Variants in ZNF385D observed in about 807,000 individuals in gnomAD.
ZNF385D encodes the protein zinc finger protein 659.
A neutral mutation model predicts 35.8 loss-of-function variants in ZNF385D; 15 were observed. That is an observed-to-expected ratio of 0.42 (90% confidence interval 0.28 to 0.64). ZNF385D has a LOEUF of 0.64. Ranked by LOEUF, ZNF385D falls within the 30% of genes least tolerant of loss-of-function variation. The pLI, the probability that ZNF385D is intolerant of heterozygous loss-of-function variation, is 0.23. For missense variants in ZNF385D, 474 were observed against 494.6 expected (o/e 0.96, Z 0.39); for synonymous variants, 212 against 186.8 (o/e 1.13, Z -1.10).
chr3:22,119,549 C>T (rs1702978765), intron 3 of ZNF385D, among the ~76,000 whole-genome samples: 1 of 152,096 alleles, frequency 6.6e-6, no homozygotes, highest in Non-Finnish European at 1.5e-5. Flanking sequence ...ATGGCCTTCT[C>T]CTCTAGCTTC....
chr3:22,157,730 C>T (rs966029765), intron 3 of ZNF385D, among the ~76,000 whole-genome samples: 1 of 152,064 alleles, frequency 6.6e-6, no homozygotes, highest in Admixed American at 6.6e-5. Flanking sequence ...CTCAAGTAAA[C>T]TATTGAATTG....
chr3:21,426,006 C>T (rs185966578), intron 5 of ZNF385D, among the ~76,000 whole-genome samples: 19 of 152,190 alleles, frequency 1.2e-4, no homozygotes, highest in Non-Finnish European at 1.0e-4. Context: ...GGTGTGACTT[C>T]ATTTCATTTC....
intron 2 of ZNF385D, among the ~76,000 whole-genome samples, chr3:22,279,017 G>A (rs987676117): frequency 6.6e-6 from 1 of 152,012 alleles, no homozygotes; most frequent in East Asian, 1.9e-4. Context: ...ACATTCTATG[G>A]CGTCCACTTC....
chr3:21,908,786 T>C (rs1478102238), intron 3 of ZNF385D, among the ~76,000 whole-genome samples: 2 of 152,034 alleles, frequency 1.3e-5, no homozygotes, highest in Non-Finnish European at 2.9e-5. Context: ...TAACTAGTTC[T>C]TTAAAAAAAA....
intron 2 of ZNF385D, among the ~76,000 whole-genome samples, chr3:22,217,701 A>G (rs1697978125): frequency 1.3e-5 from 2 of 152,210 alleles, no homozygotes; most frequent in African/African-American, 4.8e-5. Flanking sequence ...TATAGAGAGC[A>G]TATTTTGGGG....
At chr3:22,136,718 A>G (rs575038739) in intron 3 of ZNF385D, among the ~76,000 whole-genome samples, 26 of 152,304 alleles carry the variant, frequency 1.7e-4, no homozygotes, top group African/African-American at 6.3e-4. Flanking sequence ...GGATAAGCAA[A>G]TTGTGGTACA....
intron 1 of ZNF385D, among the ~76,000 whole-genome samples, chr3:21,741,031 G>A (rs2069488288): frequency 6.6e-6 from 1 of 151,562 alleles, no homozygotes; most frequent in Non-Finnish European, 1.5e-5. Context: ...GGTGCCAATG[G>A]AATAACTCAT....
intron 4 of ZNF385D, among the ~76,000 whole-genome samples, chr3:21,442,338 C>G (rs1352799138): frequency 6.6e-6 from 1 of 152,114 alleles, no homozygotes. Flanking sequence ...TCATGTTTTC[C>G]TGTAGATTGA....
intron 1 of ZNF385D, among the ~76,000 whole-genome samples, chr3:21,739,161 GA>G (rs2069386728): frequency 6.6e-6 from 1 of 152,204 alleles, no homozygotes. Context: ...TGAGCAAGGG[GA>G]AGTAGAGGTC....
intron 2 of ZNF385D, among the ~76,000 whole-genome samples, chr3:21,655,172 T>C (rs561870740): frequency 6.6e-6 from 1 of 151,994 alleles, no homozygotes; most frequent in Non-Finnish European, 1.5e-5. Flanking sequence ...TCTGGTTCAA[T>C]AGGCTTCCTC....
chr3:21,858,269 G>T (rs1696845251), intron 3 of ZNF385D, among the ~76,000 whole-genome samples: 1 of 152,004 alleles, frequency 6.6e-6, no homozygotes. Flanking sequence ...AATTCTGAGG[G>T]GTGTTAAGGT....
Position 21,783,090 on chromosome 3 carries a change from G to C in ZNF385D, c.326-118062C>G, listed in dbSNP as rs576984204. ...CTGATCACTACTCTCCTGATTTTTG[G>C]ATCAATATTTCAAGATCAACATAGG... On this transcript the variant is annotated intron_variant, in intron 3 of 5. Transcript: ENST00000494108. Among the ~76,000 whole-genome samples, 53 of 152,130 alleles carry C rather than the reference G, an allele frequency of 3.5e-4. 2 individuals carry two copies. Among genetic ancestry groups the C allele is most frequent in the South Asian group, 2.3e-3 (11 of 4,814 alleles).
At chr3:21,636,375 TG>T (rs2065436639) in intron 2 of ZNF385D, among the ~76,000 whole-genome samples, 1 of 87,892 alleles carries the variant, frequency 1.1e-5, no homozygotes, top group Non-Finnish European at 2.1e-5. Context: ...TATATATATA[TG>T]ATTATATATA....
intron 2 of ZNF385D, among the ~76,000 whole-genome samples, chr3:22,231,929 T>C (rs571747365): frequency 5.9e-5 from 9 of 152,188 alleles, no homozygotes; most frequent in African/African-American, 1.4e-4. Flanking sequence ...CTTCCCTGTT[T>C]CTCCTCCTGC....
At chr3:21,662,732 G>A (rs2066277129) in intron 2 of ZNF385D, among the ~76,000 whole-genome samples, 1 of 152,144 alleles carries the variant, frequency 6.6e-6, no homozygotes, top group Admixed American at 6.6e-5. Context: ...GGGCCTCTTG[G>A]TTTAAGTAGA....
At chr3:21,594,456 A>G (rs2064072518) in intron 2 of ZNF385D, among the ~76,000 whole-genome samples, 1 of 152,188 alleles carries the variant, frequency 6.6e-6, no homozygotes, top group South Asian at 2.1e-4. Flanking sequence ...AATGCCAATC[A>G]ACAGAATGAT....
At chr3:22,295,126 C>T (rs879886071) in intron 2 of ZNF385D, among the ~76,000 whole-genome samples, 2 of 152,092 alleles carry the variant, frequency 1.3e-5, no homozygotes, top group Admixed American at 1.3e-4. Flanking sequence ...CTGTTAATAA[C>T]TTGTTTGGAA....
intron 3 of ZNF385D, among the ~76,000 whole-genome samples, chr3:21,870,330 G>C (rs1575810522): frequency 1.3e-5 from 2 of 152,120 alleles, no homozygotes; most frequent in Non-Finnish European, 2.9e-5. Flanking sequence ...TTTTTATTTA[G>C]ATGTTAGCCC....
chr3:22,137,991 T>C (rs1704257481), intron 3 of ZNF385D, among the ~76,000 whole-genome samples: 1 of 152,160 alleles, frequency 6.6e-6, no homozygotes. Flanking sequence ...ACAAAATCAA[T>C]GTGCAAAAAT....
Sources: gnomAD v4.1 joint callset for allele counts (sites outside exome capture counted in the v4.1 genomes callset) on GRCh38, gnomAD v4.1.1 for gene constraint, MANE v1.5 for transcripts, NCBI Gene and HGNC (gene_info 2026-07-23, HGNC 2026-07-21) for gene names.